Variants in L3MBTL3 observed in about 807,000 individuals in gnomAD.
The protein encoded by L3MBTL3 is L3MBTL histone methyl-lysine binding protein 3.
L3MBTL3 carries 27 observed loss-of-function variants against 102.3 expected under a neutral mutation model. The ratio of observed to expected loss-of-function variants is 0.26; its 90% CI spans 0.19 to 0.36. The LOEUF (loss-of-function observed/expected upper bound fraction) is 0.36. L3MBTL3 is among the 10% of genes least tolerant of loss of function. The pLI is 1.00. For missense variants in L3MBTL3, 798 were observed against 955.3 expected, an observed-to-expected ratio of 0.84 and a Z score of 2.17; for synonymous variants, 340 against 320.9, an observed-to-expected ratio of 1.06 and a Z score of -0.64.
chr6:130,019,616 C>T (rs1284382298), intron 1 of L3MBTL3, among the ~76,000 whole-genome samples: 2 of 150,784 alleles, frequency 1.3e-5, no homozygotes, highest in Non-Finnish European at 3.0e-5. Flanking sequence ...CCACCGCGCA[C>T]ACGCACACTC....
At chr6:130,059,189 C>G (rs755493587) in intron 9 of L3MBTL3, among the ~76,000 whole-genome samples, 1 of 152,170 alleles carries the variant, frequency 6.6e-6, no homozygotes, top group African/African-American at 2.4e-5. Context: ...CCCTGCCCCC[C>G]CAGGCACCAG....
intron 3 of L3MBTL3, among the ~76,000 whole-genome samples, chr6:130,045,330 C>T (rs1780661848): frequency 6.6e-6 from 1 of 152,168 alleles, no homozygotes; most frequent in Non-Finnish European, 1.5e-5. Context: ...TTCCCTGTTG[C>T]TGGAATCCCT....
In L3MBTL3 at chr6:130,133,709, T is replaced by A. The variant is rs751352582; in HGVS notation, c.2136+88T>A. Reference sequence around the variant, plus strand: ...AACATTGAGCGTAGGTAGCGTTTAGTCTTTTTTTTTCTGAAAGAGAAGAAA... The same window carrying A: ...AACATTGAGCGTAGGTAGCGTTTAGACTTTTTTTTTCTGAAAGAGAAGAAA... On this transcript the variant is annotated intron_variant, in intron 21 of 22. Transcript: ENST00000361794. The surrounding 1 kb of genome is among the most constrained non-coding windows in gnomAD (Gnocchi z 4.9). The A allele has an allele frequency of 1.5e-4, 234 of 1,512,746 alleles. 1 individual carries two copies. The highest frequency in any genetic ancestry group is 2.1e-4 in the Non-Finnish European group (230 of 1,106,468). The allele number at this position is 1,512,746 out of a possible 1,614,324, so 93.7% of individuals were successfully genotyped here.
At chr6:130,083,480 C>T (rs888964961) in intron 14 of L3MBTL3, 140 bp from the exon 15 acceptor site, 2 of 424,082 alleles carry the variant, frequency 4.7e-6, no homozygotes, top group African/African-American at 2.1e-5. Flanking sequence ...ACTAATAGCT[C>T]TGAATGTGTG....
intron 7 of L3MBTL3, among the ~76,000 whole-genome samples, chr6:130,053,316 T>A (rs7740107): frequency 0.79 from 120,930 of 152,118 alleles, 48,535 homozygotes; most frequent in East Asian, 0.96. Context: ...ATCTCATTTC[T>A]TTAAATTGCA....
intron 1 of L3MBTL3, among the ~76,000 whole-genome samples, chr6:130,019,902 G>T (rs1269546043): frequency 7.1e-6 from 1 of 140,856 alleles, no homozygotes; most frequent in South Asian, 2.2e-4. Context: ...AGCCCGCGCC[G>T]TCGCGGCGTT....
At chr6:130,128,018 C>T (rs754628291) in intron 20 of L3MBTL3, among the ~76,000 whole-genome samples, 49 of 152,116 alleles carry the variant, frequency 3.2e-4, no homozygotes, top group South Asian at 1.7e-3. Flanking sequence ...ACTTTGTAAC[C>T]TGCAGTTTGC....
At chr6:130,124,910 C>T (rs1260985002) in intron 20 of L3MBTL3, among the ~76,000 whole-genome samples, 1 of 151,490 alleles carries the variant, frequency 6.6e-6, no homozygotes, top group East Asian at 1.9e-4. Context: ...GTGGAGGTTG[C>T]AGTGAGCTGA....
intron 8 of L3MBTL3, among the ~76,000 whole-genome samples, chr6:130,055,535 T>TCTCTCCCTCC (rs1781425786): frequency 1.2e-5 from 1 of 81,354 alleles, no homozygotes; most frequent in East Asian, 5.1e-4. Flanking sequence ...TCTCTCCCTC[T>TCTCTCCCTCC]CTCCCTCCCT....
intron 2 of L3MBTL3, among the ~76,000 whole-genome samples, chr6:130,031,012 T>C (rs1054768563): frequency 1.3e-5 from 2 of 152,246 alleles, no homozygotes; most frequent in South Asian, 4.1e-4. Context: ...TTACCCCATG[T>C]GACCTTGTAT....
At chr6:130,056,417 T>C (rs1355546733) in intron 8 of L3MBTL3, among the ~76,000 whole-genome samples, 1 of 152,160 alleles carries the variant, frequency 6.6e-6, no homozygotes, top group East Asian at 1.9e-4. Flanking sequence ...CTGCCTCAGC[T>C]TGCAGCCTGC....
At chr6:130,111,503 G>T (rs961968263) in intron 19 of L3MBTL3, among the ~76,000 whole-genome samples, 1 of 152,194 alleles carries the variant, frequency 6.6e-6, no homozygotes, top group African/African-American at 2.4e-5. Context: ...TGTGGGCTGT[G>T]GCATCAACCC....
intron 19 of L3MBTL3, among the ~76,000 whole-genome samples, chr6:130,107,452 A>G (rs969996760): frequency 6.6e-6 from 1 of 152,222 alleles, no homozygotes; most frequent in African/African-American, 2.4e-5. Flanking sequence ...CTGTTTAACT[A>G]AAAAGAATTT....
chr6:130,094,500 G>A lies in L3MBTL3; in HGVS notation c.1736+133G>A, dbSNP rs180762748. On this transcript the variant is annotated intron_variant, in intron 18 of 22. Transcript: ENST00000361794. ...ATCCATAAGAAATGTGGTTACCATG[G>A]TGATCATGTAAAAATGAAGGGAATA... 6.0e-4 allele frequency: 284 copies of A among 471,930 alleles called. 2 individuals carry two copies. In the Admixed American group the frequency reaches 7.9e-3, roughly 13 times the overall value. 29.2% of individuals were successfully genotyped at this position (471,930 alleles called of 1,614,324 possible). A position where few individuals can be genotyped will look rare whatever the true frequency, so the allele number is the denominator to read the frequency against.
chr6:130,095,493 A>G (rs1461849680), intron 18 of L3MBTL3, among the ~76,000 whole-genome samples: 1 of 152,178 alleles, frequency 6.6e-6, no homozygotes, highest in Non-Finnish European at 1.5e-5. Flanking sequence ...CTGCAAACCA[A>G]AATTTATATG....
chr6:130,117,213 A>C (rs1330883325), intron 19 of L3MBTL3, among the ~76,000 whole-genome samples: 5 of 139,728 alleles, frequency 3.6e-5, no homozygotes, highest in Admixed American at 7.5e-5. Context: ...ATGAGTGAGA[A>C]TATGCCGTGT....
chr6:130,056,158 C>T (rs965180288), intron 8 of L3MBTL3, among the ~76,000 whole-genome samples: 8 of 152,268 alleles, frequency 5.3e-5, no homozygotes, highest in African/African-American at 1.9e-4. Context: ...GAACTCCTGA[C>T]CTCAAGCCAT....
At chr6:130,134,866 G>A (rs560101909) in intron 22 of L3MBTL3, among the ~76,000 whole-genome samples, 1 of 152,308 alleles carries the variant, frequency 6.6e-6, no homozygotes, top group Non-Finnish European at 1.5e-5. Flanking sequence ...TTGTTATACT[G>A]TTAGGTATAA....
intron 13 of L3MBTL3, among the ~76,000 whole-genome samples, chr6:130,074,876 A>G (rs754798796): frequency 2.0e-5 from 3 of 152,202 alleles, no homozygotes; most frequent in African/African-American, 7.2e-5. Flanking sequence ...GTGAATTAGA[A>G]CAAATGTAGC....
Sources: allele counts gnomAD v4.1 joint callset (sites outside exome capture counted in the v4.1 genomes callset), GRCh38; gene constraint gnomAD v4.1.1; non-coding constraint Gnocchi (gnomAD v3.1); transcripts MANE v1.5; gene names NCBI Gene and HGNC (gene_info 2026-07-23, HGNC 2026-07-21).